The following NWD2 variants were observed in gnomAD, a reference collection of about 807,000 sequenced individuals.
The protein encoded by NWD2 is NACHT and WD repeat domain-containing protein 2.
Under a neutral mutation model 132.7 loss-of-function variants are expected in NWD2, and 37 were observed. The observed-to-expected ratio is 0.28, with a 90% CI of 0.21 to 0.37. The LOEUF is 0.37. NWD2 is among the 10% of genes least tolerant of loss of function. NWD2 has a pLI of 1.00. For missense variants in NWD2, 1,592 were observed against 2,122.4 expected (o/e 0.75, Z 4.91); for synonymous variants, 705 against 803.0 (o/e 0.88, Z 2.06).
chr4:37,394,810 T>TTTTTG (rs1720751774), intron 3 of NWD2, among the ~76,000 whole-genome samples: 2 of 121,430 alleles, frequency 1.6e-5, no homozygotes, highest in Admixed American at 1.7e-4. Flanking sequence ...TTTTTTTTTT[T>TTTTTG]TTTTTTTTTT....
chr4:37,323,264 A>G (rs1577667890), intron 1 of NWD2, among the ~76,000 whole-genome samples: 1 of 152,198 alleles, frequency 6.6e-6, no homozygotes, highest in African/African-American at 2.4e-5. Context: ...TAAACAGACA[A>G]CCTACCGAAT....
At position 37,356,446 on chromosome 4, in the gene NWD2, G is replaced by T; in HGVS notation, c.321G>T (p.Glu107Asp). The stretch of plus-strand genomic sequence containing the variant: ...AGAAGACCCGCATGAAGCTGCTGGA[G>T]AATTGCTTGAAAACTTCTGCAGGTC... Reference protein sequence around the residue: ...ELQKTRMKLLENCLKTSAGPC... With the variant: ...ELQKTRMKLLDNCLKTSAGPC... The change falls in exon 3 of 7, where the codon GAG becomes GAT. Residue 107 changes from glutamate (E) to aspartate (D), a missense_variant. Coordinates refer to ENST00000309447, the MANE Select transcript of NWD2 (RefSeq NM_001144990.2). 1 of 1,551,544 alleles carries T rather than the reference G, an allele frequency of 6.4e-7. No individual in the cohort carries two copies. The highest frequency in any genetic ancestry group is 8.7e-7 in the Non-Finnish European group (1 of 1,146,796).
At chr4:37,348,514 T>A (rs1432333365) in intron 2 of NWD2, among the ~76,000 whole-genome samples, 1 of 150,304 alleles carries the variant, frequency 6.7e-6, no homozygotes, top group African/African-American at 2.4e-5. Flanking sequence ...GCCCAGTGAA[T>A]TCCAGGCCAT....
intron 1 of NWD2, among the ~76,000 whole-genome samples, chr4:37,304,837 A>G (rs1266935167): frequency 2.0e-5 from 3 of 152,148 alleles, no homozygotes; most frequent in Non-Finnish European, 4.4e-5. Context: ...TGGGTCTACA[A>G]TTCTGGGGGC....
At chr4:37,404,372 G>C (rs1324482272) in intron 3 of NWD2, among the ~76,000 whole-genome samples, 2 of 152,154 alleles carry the variant, frequency 1.3e-5, no homozygotes, top group African/African-American at 2.4e-5. Flanking sequence ...TTGCCTAGCT[G>C]TATACCCCAT....
At chr4:37,441,862 C>T (rs1401430034) in intron 6 of NWD2, among the ~76,000 whole-genome samples, 1 of 152,106 alleles carries the variant, frequency 6.6e-6, no homozygotes, top group East Asian at 1.9e-4. Context: ...ATGTGTCACC[C>T]AGCATTTCCA....
intron 1 of NWD2, among the ~76,000 whole-genome samples, chr4:37,286,052 A>G (rs955506662): frequency 7.2e-5 from 11 of 152,260 alleles, no homozygotes; most frequent in Non-Finnish European, 1.0e-4. Flanking sequence ...TCCAAGGAGA[A>G]CAATTTTCTG....
chr4:37,392,337 A>G (rs1577688389), intron 3 of NWD2, among the ~76,000 whole-genome samples: 1 of 152,334 alleles, frequency 6.6e-6, no homozygotes, highest in South Asian at 2.1e-4. Context: ...ATGATAAAAC[A>G]TGATCATTGA....
chr4:37,350,039 G>T (rs1475848588), intron 2 of NWD2, among the ~76,000 whole-genome samples: 6 of 152,078 alleles, frequency 3.9e-5, no homozygotes, highest in Non-Finnish European at 8.8e-5. Flanking sequence ...TGTTCCATTG[G>T]TCTATATATC....
chr4:37,384,337 G>A (rs113267468), intron 3 of NWD2, among the ~76,000 whole-genome samples: 2,090 of 152,172 alleles, frequency 0.014, 42 homozygotes, highest in African/African-American at 0.047. Flanking sequence ...AAGCGTTTGC[G>A]TTCTTCCTTC....
At chr4:37,255,048 C>T (rs1246747013) in intron 1 of NWD2, among the ~76,000 whole-genome samples, 1 of 152,170 alleles carries the variant, frequency 6.6e-6, no homozygotes, top group Admixed American at 6.5e-5. Flanking sequence ...GCATCAACTG[C>T]AGTATTTATT....
intron 2 of NWD2, among the ~76,000 whole-genome samples, chr4:37,345,222 G>A (rs1560400063): frequency 6.6e-6 from 1 of 152,082 alleles, no homozygotes; most frequent in Non-Finnish European, 1.5e-5. Context: ...TTTCATTTCT[G>A]TTGAGTATAT....
chr4:37,308,124 A>G (rs1441315669), intron 1 of NWD2, among the ~76,000 whole-genome samples: 1 of 152,170 alleles, frequency 6.6e-6, no homozygotes, highest in Non-Finnish European at 1.5e-5. Flanking sequence ...GGGATGTATT[A>G]CTAATAAATT....
rs904498253 is a variant in NWD2 at position 37,445,988 on chromosome 4, C to T, written c.4000C>T (p.Leu1334=). The change falls in exon 7 of 7, where the codon CTG becomes TTG. Residue 1334 remains leucine (L), a synonymous_variant. Coordinates refer to ENST00000309447, the MANE Select transcript of NWD2 (RefSeq NM_001144990.2). The surrounding 1 kb of genome is among the most constrained non-coding windows in gnomAD (Gnocchi z 4.7). The part of the protein sequence containing the change: ...LPARGEIIYS[L]DGSDCVHKWN... ...TGCTAGAGGGGAAATCATTTACTCC[C>T]TGGATGGATCCGATTGTGTTCATAA... is the stretch of plus-strand genomic sequence containing the variant. The T allele has an allele frequency of 1.4e-4, 214 of 1,551,560 alleles. 1 individual carries two copies. The highest frequency in any genetic ancestry group is 1.8e-4 in the Non-Finnish European group (205 of 1,147,008).
chr4:37,415,696 T>C (rs1307534884), intron 3 of NWD2, among the ~76,000 whole-genome samples: 1 of 114,638 alleles, frequency 8.7e-6, no homozygotes, highest in African/African-American at 3.8e-5. Context: ...AGTGCAAGAC[T>C]CCGTCTAAAA....
chr4:37,439,000 G>A lies in NWD2; in HGVS notation c.906G>A (p.Arg302=). The part of the protein sequence containing the change: ...PEAQEKLIKL[R]DEFIPTIVAS... Reference sequence around the variant, plus strand: ...CCCAAGAGAAGCTGATAAAACTCAGGGATGAATTTATTCCTACTATTGTTG... The same window carrying A: ...CCCAAGAGAAGCTGATAAAACTCAGAGATGAATTTATTCCTACTATTGTTG... Residue 302 remains arginine, a synonymous_variant, in exon 6 of 7, where the codon AGG becomes AGA. Transcript: ENST00000309447. 6.4e-7 allele frequency: 1 copy of A among 1,551,722 alleles called. No homozygotes were observed. The highest frequency in any genetic ancestry group is 8.7e-7 in the Non-Finnish European group (1 of 1,146,992).
chr4:37,325,927 C>G lies in NWD2; in HGVS notation c.152-9C>G. On this transcript the variant is annotated splice_polypyrimidine_tract_variant and intron_variant, in intron 1 of 6. Transcript: ENST00000309447. ...ACTCACTTCCTGTGTGTTTGTCTTTCTACTACAGATACGGGAGCAGAAAGA... is the reference window on the plus strand; with the variant it reads ...ACTCACTTCCTGTGTGTTTGTCTTTGTACTACAGATACGGGAGCAGAAAGA... 6.6e-7 allele frequency: 1 copy of G among 1,522,532 alleles called. No homozygotes were observed. Among genetic ancestry groups the G allele is most frequent in the Non-Finnish European group, 8.9e-7 (1 of 1,122,422 alleles). 94.3% of individuals were successfully genotyped at this position (1,522,532 alleles called of 1,614,324 possible).
intron 3 of NWD2, among the ~76,000 whole-genome samples, chr4:37,377,802 A>C (rs1303559791): frequency 2.0e-5 from 3 of 152,214 alleles, no homozygotes; most frequent in Non-Finnish European, 4.4e-5. Flanking sequence ...ATAATTTAAA[A>C]TAAGTTTGAA....
At chr4:37,399,634 T>C (rs1427508145) in intron 3 of NWD2, among the ~76,000 whole-genome samples, 2 of 152,218 alleles carry the variant, frequency 1.3e-5, no homozygotes, top group Non-Finnish European at 2.9e-5. Flanking sequence ...TGATGTGAAG[T>C]GACCTCTGAC....
Sources: gnomAD v4.1 joint callset for allele counts (sites outside exome capture counted in the v4.1 genomes callset) on GRCh38, gnomAD v4.1.1 for gene constraint, Gnocchi (gnomAD v3.1) non-coding constraint, MANE v1.5 for transcripts, NCBI Gene and HGNC (gene_info 2026-07-23, HGNC 2026-07-21) for gene names.